The following TNFSF11 variants were observed in gnomAD, a reference collection of about 807,000 sequenced individuals.
TNFSF11 encodes the protein tumor necrosis factor ligand superfamily member 11.
In TNFSF11, 12 loss-of-function variants were observed where a neutral mutation model predicts 32.2. The observed-to-expected ratio is 0.37, with a 90% CI of 0.24 to 0.60. The LOEUF (loss-of-function observed/expected upper bound fraction) is 0.60, where lower values mean the gene tolerates loss of function less well. Among genes scored for constraint, TNFSF11 ranks in the 20% least tolerant of loss-of-function variants. TNFSF11 has a pLI of 0.66. For synonymous variants in TNFSF11, 172 were observed against 152.1 expected (o/e 1.13, Z -0.96); for missense variants, 345 against 398.0 (o/e 0.87, Z 1.13).
At chr13:42,571,800 C>T (rs1873078320), upstream of TNFSF11, 1 of 152,200 alleles carries the variant, frequency 6.6e-6, no homozygotes, top group Non-Finnish European at 1.5e-5. Flanking sequence ...GCACAGAATT[C>T]TTCAGGGGGC....
intron 2 of TNFSF11, among the ~76,000 whole-genome samples, chr13:42,600,208 A>C (rs967768284): frequency 6.6e-6 from 1 of 152,028 alleles, no homozygotes; most frequent in East Asian, 1.9e-4. Flanking sequence ...AATTGTTGGT[A>C]CTCTAAAGGC....
chr13:42,576,121 C>A (rs991432332), intron 1 of TNFSF11, among the ~76,000 whole-genome samples: 4 of 152,228 alleles, frequency 2.6e-5, no homozygotes, highest in African/African-American at 9.6e-5. Flanking sequence ...ATCAAAGATG[C>A]AGTAGTTCTC....
At chr13:42,589,180 T>G (rs942948663) in intron 2 of TNFSF11, among the ~76,000 whole-genome samples, 1 of 152,212 alleles carries the variant, frequency 6.6e-6, no homozygotes, top group Admixed American at 6.5e-5. Flanking sequence ...TAGTTTTTCA[T>G]GGTGAATGAC....
intron 4 of TNFSF11, among the ~76,000 whole-genome samples, chr13:42,602,526 T>C (rs533831338): frequency 1.5e-3 from 226 of 152,348 alleles, no homozygotes; most frequent in Non-Finnish European, 2.5e-3. Flanking sequence ...AACCAATTCT[T>C]TGGCTTTTAG....
intron 2 of TNFSF11, among the ~76,000 whole-genome samples, chr13:42,590,150 C>T (rs1486872850): frequency 1.3e-5 from 2 of 152,324 alleles, no homozygotes; most frequent in South Asian, 2.1e-4. Context: ...CAGTGGCAAG[C>T]ACATAGTTGG....
intron 2 of TNFSF11, among the ~76,000 whole-genome samples, 165 bp from the exon 3 acceptor site, chr13:42,600,587 A>T (rs973995198): frequency 3.9e-5 from 6 of 152,208 alleles, no homozygotes; most frequent in African/African-American, 1.4e-4. Flanking sequence ...GGGAACTTCC[A>T]TTGATAGCCA....
chr13:42,568,487 C>CA (rs1392286862), intron 2 of TNFSF11, among the ~76,000 whole-genome samples: 1 of 152,214 alleles, frequency 6.6e-6, no homozygotes, highest in Non-Finnish European at 1.5e-5. Context: ...TCCATTGACA[C>CA]AGTGAATGTT....
intron 1 of TNFSF11, among the ~76,000 whole-genome samples, chr13:42,566,243 C>G (rs1424111350): frequency 6.6e-6 from 1 of 152,204 alleles, no homozygotes; most frequent in African/African-American, 2.4e-5. Context: ...TGAGAGATCC[C>G]CAGTCCTTCT....
chr13:42,563,660 T>C (rs2137839004), intron 1 of TNFSF11, among the ~76,000 whole-genome samples: 2 of 68,808 alleles, frequency 2.9e-5, no homozygotes, highest in South Asian at 5.9e-4. Flanking sequence ...AAAAACTCCG[T>C]CTCAAAAAAA....
intron 1 of TNFSF11, among the ~76,000 whole-genome samples, chr13:42,579,090 C>T (rs937476437): frequency 6.6e-6 from 1 of 152,048 alleles, no homozygotes; most frequent in Non-Finnish European, 1.5e-5. Context: ...ATTGGACTAC[C>T]CTGAGTATCA....
chr13:42,566,374 G>A (rs1872869835), intron 1 of TNFSF11, among the ~76,000 whole-genome samples: 1 of 152,158 alleles, frequency 6.6e-6, no homozygotes, highest in African/African-American at 2.4e-5. Context: ...GACACCAATG[G>A]ACATTGGTAG....
chr13:42,590,703 G>A (rs1353682597), intron 2 of TNFSF11, among the ~76,000 whole-genome samples: 1 of 152,214 alleles, frequency 6.6e-6, no homozygotes, highest in Non-Finnish European at 1.5e-5. Context: ...TAAACCAGTA[G>A]TATAGTATAA....
intron 1 of TNFSF11, among the ~76,000 whole-genome samples, chr13:42,574,808 G>T (rs1873227395): frequency 6.6e-6 from 1 of 152,208 alleles, no homozygotes; most frequent in Non-Finnish European, 1.5e-5. Context: ...CCGTCCCTTC[G>T]CTGGGAAACA....
chr13:42,574,200 C>A lies in TNFSF11; in HGVS notation c.-104C>A, dbSNP rs1873181204. The A allele has an allele frequency of 6.9e-7, 1 of 1,453,258 alleles. No homozygotes were observed. The highest frequency in any genetic ancestry group is 9.4e-7 in the Non-Finnish European group (1 of 1,067,126). 90.0% of individuals were successfully genotyped at this position (1,453,258 alleles called of 1,614,324 possible). A position where few individuals can be genotyped will look rare whatever the true frequency, so the allele number is the denominator to read the frequency against. On this transcript the variant is annotated 5_prime_UTR_variant, in exon 1 of 5. Transcript: ENST00000398795. ...GACCCAAAGCCGGGCTCCAAGTCGG[C>A]GCCCCACGTCGAGGCTCCGCCGCAG... is the stretch of plus-strand genomic sequence containing the variant.
At chr13:42,596,498 G>A (rs771835989) in intron 2 of TNFSF11, among the ~76,000 whole-genome samples, 12 of 152,122 alleles carry the variant, frequency 7.9e-5, no homozygotes, top group Non-Finnish European at 1.3e-4. Context: ...TATGACGATG[G>A]CTTGTAAAAG....
chr13:42,599,522 G>GT (rs1023131765), intron 2 of TNFSF11, among the ~76,000 whole-genome samples: 14 of 151,556 alleles, frequency 9.2e-5, no homozygotes, highest in South Asian at 4.2e-4. Context: ...CTCCAGAGTG[G>GT]TTTTTTTTCA....
At chr13:42,572,594 C>A (rs1451615666), upstream of TNFSF11, among the ~76,000 whole-genome samples, 1 of 152,116 alleles carries the variant, frequency 6.6e-6, no homozygotes, top group Non-Finnish European at 1.5e-5. Flanking sequence ...GAATTAACGT[C>A]AATTGTTTCT....
chr13:42,598,054 C>T (rs1465151279), intron 2 of TNFSF11, among the ~76,000 whole-genome samples: 2 of 151,936 alleles, frequency 1.3e-5, no homozygotes, highest in Admixed American at 6.6e-5. Flanking sequence ...CTTATGTTGC[C>T]CAAGCTGGTC....
At chr13:42,595,158 G>A (rs1868733675) in intron 2 of TNFSF11, among the ~76,000 whole-genome samples, 1 of 152,148 alleles carries the variant, frequency 6.6e-6, no homozygotes, top group South Asian at 2.1e-4. Context: ...TGTCAATGTT[G>A]GACAGCGTCC....
Sources: gnomAD v4.1 joint callset for allele counts (sites outside exome capture counted in the v4.1 genomes callset) on GRCh38, gnomAD v4.1.1 for gene constraint, MANE v1.5 for transcripts, NCBI Gene and HGNC (gene_info 2026-07-23, HGNC 2026-07-21) for gene names.